Variants in DENR observed in about 807,000 individuals in gnomAD.
DENR encodes the protein density regulated re-initiation and release factor.
In DENR, 6 loss-of-function variants were observed where a neutral mutation model predicts 30.6. The observed-to-expected ratio is 0.20, with a 90% CI of 0.11 to 0.39. The LOEUF is 0.39. DENR is among the 10% of genes least tolerant of loss of function. The pLI, the probability that DENR is intolerant of heterozygous loss-of-function variation, is 1.00. For missense variants in DENR, 141 were observed against 230.9 expected (o/e 0.61, Z 2.52); for synonymous variants, 78 against 72.1 (o/e 1.08, Z -0.41).
At chr12:122,756,757 G>A (rs1878560135) in intron 2 of DENR, among the ~76,000 whole-genome samples, 1 of 152,160 alleles carries the variant, frequency 6.6e-6, no homozygotes, top group African/African-American at 2.4e-5. Context: ...ACGTGGTTTG[G>A]GGCCAAGTTC....
intron 2 of DENR, among the ~76,000 whole-genome samples, chr12:122,754,578 A>G (rs1419819736): frequency 1.3e-5 from 2 of 152,192 alleles, no homozygotes; most frequent in African/African-American, 4.8e-5. Context: ...TGAGTAGTGA[A>G]TAAGTCAGAA....
At chr12:122,754,369 A>G (rs1265479226) in intron 2 of DENR, 2 of 152,906 alleles carry the variant, frequency 1.3e-5, no homozygotes, top group Non-Finnish European at 2.9e-5. Flanking sequence ...TTTAATCAAG[A>G]TCTTTTTCAC....
At chr12:122,765,880 C>T (rs1220468804) in intron 5 of DENR, among the ~76,000 whole-genome samples, 1 of 152,112 alleles carries the variant, frequency 6.6e-6, no homozygotes, top group Non-Finnish European at 1.5e-5. Flanking sequence ...CTTCTCATTA[C>T]TTCTGATAGC....
chr12:122,754,860 G>A (rs1878504931), intron 2 of DENR, among the ~76,000 whole-genome samples: 1 of 152,136 alleles, frequency 6.6e-6, no homozygotes, highest in Non-Finnish European at 1.5e-5. Context: ...CTTGCTGAGA[G>A]TGTAAGCAGT....
Position 122,769,546 on chromosome 12 carries a change from G to C in DENR, c.*468G>C. On this transcript the variant is annotated 3_prime_UTR_variant, in exon 8 of 8. Transcript: ENST00000280557. ...TTTTTTGACAGAGTCTCGCACTGTT[G>C]CCTGGGCTGGAATGCAGTGGTGCGA... 1 of 917,302 alleles carries C rather than the reference G, an allele frequency of 1.1e-6. No individual in the cohort carries two copies. Among genetic ancestry groups the C allele is most frequent in the Non-Finnish European group, 1.3e-6 (1 of 761,722 alleles). 56.8% of individuals were successfully genotyped at this position (917,302 alleles called of 1,614,324 possible). A position where few individuals can be genotyped will look rare whatever the true frequency, so the allele number is the denominator to read the frequency against.
intron 5 of DENR, among the ~76,000 whole-genome samples, chr12:122,766,510 A>G (rs1212431886): frequency 6.6e-6 from 1 of 152,144 alleles, no homozygotes; most frequent in Non-Finnish European, 1.5e-5. Flanking sequence ...CCAAATCTGT[A>G]TATCTGGATC....
chr12:122,764,516 C>T (rs1878794194), intron 4 of DENR, among the ~76,000 whole-genome samples: 1 of 152,108 alleles, frequency 6.6e-6, no homozygotes, highest in African/African-American at 2.4e-5. Context: ...AGGAGAATGG[C>T]GTGAATCCGG....
At position 122,765,318 on chromosome 12, in the gene DENR, C is replaced by G; in HGVS notation, c.226C>G (p.Gln76Glu). ...AKLTVENSPK[Q>E]EAGISEGQGT... Reference sequence around the variant, plus strand: ...TTTATATCTAGAAAATTCACCCAAACAAGAAGCTGGAATTAGTGAGGGTCA... The same window carrying G: ...TTTATATCTAGAAAATTCACCCAAAGAAGAAGCTGGAATTAGTGAGGGTCA... Residue 76 changes from glutamine to glutamate, a missense_variant, in exon 5 of 8, where the codon CAA (glutamine) becomes GAA (glutamate). Coordinates refer to ENST00000280557, the MANE Select transcript of DENR (RefSeq NM_003677.5). 1 of 1,551,136 alleles carries G rather than the reference C, an allele frequency of 6.4e-7. No homozygotes were observed. The highest frequency in any genetic ancestry group is 8.7e-7 in the Non-Finnish European group (1 of 1,146,798).
chr12:122,754,058 C>A, intron 2 of DENR: 1 of 505,444 alleles, frequency 2.0e-6, no homozygotes, highest in Non-Finnish European at 3.6e-6. Context: ...GTTATTTCAG[C>A]CTGAAGGTCC....
chr12:122,768,900 C>G lies in DENR; in HGVS notation c.531C>G (p.Val177=), dbSNP rs760075649. The part of the protein sequence containing the change: ...QGDFTDDIID[V]IQEKWPEVDD... ...ATTTTACAGATGACATAATTGATGT[C>G]ATTCAGGAAAAATGGCCAGAGGTGA... Residue 177 remains valine (V), a synonymous_variant, in exon 7 of 8, where the codon GTC becomes GTG. Transcript: ENST00000280557. 44 of 1,611,320 alleles carry G rather than the reference C, an allele frequency of 2.7e-5. No homozygotes were observed. Among genetic ancestry groups the G allele is most frequent in the Non-Finnish European group, 3.0e-5 (35 of 1,178,870 alleles).
intron 2 of DENR, among the ~76,000 whole-genome samples, chr12:122,754,733 T>A (rs1022925493): frequency 6.6e-5 from 10 of 152,304 alleles, no homozygotes; most frequent in African/African-American, 2.4e-4. Context: ...AACCTAATCA[T>A]TTTTTGAGCA....
chr12:122,761,151 C>T (rs1878689685), intron 2 of DENR, among the ~76,000 whole-genome samples: 1 of 152,150 alleles, frequency 6.6e-6, no homozygotes, highest in South Asian at 2.1e-4. Flanking sequence ...GTGGCTCATG[C>T]CTGTAATCCC....
At position 122,762,132 on chromosome 12, in the gene DENR, A is replaced by G. The variant is rs556885277; in HGVS notation, c.107-55A>G. The G allele has an allele frequency of 4.6e-5, 54 of 1,165,964 alleles. 1 individual carries two copies. In the African/African-American group the frequency reaches 6.2e-4, roughly 13 times the overall value. The allele number at this position is 1,165,964 out of a possible 1,614,324, so 72.2% of individuals were successfully genotyped here. A position where few individuals can be genotyped will look rare whatever the true frequency, so the allele number is the denominator to read the frequency against. ...ATAAAAGTAAGGATAAGCCCTGTGT[A>G]TGTGTGTACATATAGGTTTAACATT... is the stretch of plus-strand genomic sequence containing the variant. On this transcript the variant is annotated intron_variant, in intron 2 of 7. Coordinates refer to ENST00000280557, the MANE Select transcript of DENR (RefSeq NM_003677.5).
chr12:122,758,412 T>G (rs779674269), intron 2 of DENR, among the ~76,000 whole-genome samples: 11 of 152,224 alleles, frequency 7.2e-5, no homozygotes, highest in Non-Finnish European at 1.5e-4. Context: ...TATGATCTTG[T>G]GCCAAGACCA....
chr12:122,768,889 A>G lies in DENR; in HGVS notation c.520A>G (p.Ile174Val), dbSNP rs780537632. The G allele has an allele frequency of 1.9e-6, 3 of 1,612,744 alleles. No homozygotes were observed. Among genetic ancestry groups the G allele is most frequent in the East Asian group, 2.2e-5 (1 of 44,814 alleles). The stretch of plus-strand genomic sequence containing the variant: ...CATTCAGGGAGATTTTACAGATGAC[A>G]TAATTGATGTCATTCAGGAAAAATG... ...IIIQGDFTDD[I>V]IDVIQEKWPE... Residue 174 changes from isoleucine (I) to valine (V), a missense_variant, in exon 7 of 8, where the codon ATA becomes GTA. Coordinates refer to ENST00000280557, the MANE Select transcript of DENR (RefSeq NM_003677.5).
intron 2 of DENR, among the ~76,000 whole-genome samples, chr12:122,754,943 C>G (rs954462034): frequency 6.6e-6 from 1 of 152,108 alleles, no homozygotes; most frequent in Non-Finnish European, 1.5e-5. Flanking sequence ...AAAGATATTT[C>G]ACAATTGAGA....
At chr12:122,761,959 A>C (rs1205017764) in intron 2 of DENR, among the ~76,000 whole-genome samples, 1 of 152,198 alleles carries the variant, frequency 6.6e-6, no homozygotes, top group African/African-American at 2.4e-5. Flanking sequence ...CCATCAGCTG[A>C]TGGAGACACT....
At chr12:122,757,596 C>G (rs1346728026) in intron 2 of DENR, among the ~76,000 whole-genome samples, 1 of 152,144 alleles carries the variant, frequency 6.6e-6, no homozygotes, top group Non-Finnish European at 1.5e-5. Flanking sequence ...GGATTAAAAT[C>G]CAAGACAAGC....
At chr12:122,757,557 G>A (rs1878582410) in intron 2 of DENR, among the ~76,000 whole-genome samples, 1 of 152,174 alleles carries the variant, frequency 6.6e-6, no homozygotes, top group Non-Finnish European at 1.5e-5. Flanking sequence ...TTGATGATAA[G>A]CTTCTCAATT....
Sources: allele counts gnomAD v4.1 joint callset (sites outside exome capture counted in the v4.1 genomes callset), GRCh38; gene constraint gnomAD v4.1.1; transcripts MANE v1.5; gene names NCBI Gene and HGNC (gene_info 2026-07-23, HGNC 2026-07-21).